The following NRBP2 variants were observed in gnomAD, a reference collection of about 807,000 sequenced individuals.
NRBP2 encodes nuclear receptor binding protein 2.
NRBP2 carries 47 observed loss-of-function variants against 74.4 expected under a neutral mutation model. That is an observed-to-expected ratio of 0.63 (90% confidence interval 0.50 to 0.81). The LOEUF (loss-of-function observed/expected upper bound fraction) is 0.81. Ranked by LOEUF, NRBP2 falls within the 30% of genes least tolerant of loss-of-function variation. The probability of loss-of-function intolerance (pLI) is 0.00; values close to 1 mark genes in which losing one functional copy is unlikely to be tolerated. For missense variants in NRBP2, 613 were observed against 690.1 expected (o/e 0.89, Z 1.25); for synonymous variants, 312 against 273.8 (o/e 1.14, Z -1.38).
rs558059469 is a variant in NRBP2, at chr8:143,838,708, C to T, written c.812G>A (p.Arg271Lys). The T allele has an allele frequency of 4.3e-6, 7 of 1,612,300 alleles. No individual in the cohort carries two copies. In the Admixed American group the frequency reaches 5.0e-5, roughly 12 times the overall value. ...CATGTTGGGGTCACTCAGCGAGTGC[C>T]TGGCGCGAGCAATGGCCTCCTCTGT... is the stretch of plus-strand genomic sequence containing the variant. ...RVTEEAIARA[R>K]HSLSDPNMRE... is the part of the protein sequence containing the mutation. The change falls in exon 10 of 18, where the codon AGG becomes AAG. Residue 271 changes from arginine to lysine, a missense_variant. Around this residue, in one of 2 missense-constraint regions of NRBP2, gnomAD observed 332 missense variants for 429.2 expected, o/e 0.77. Coordinates refer to ENST00000442628, the MANE Select transcript of NRBP2 (RefSeq NM_178564.4).
Position 143,835,397 on chromosome 8 carries a change from A to G in NRBP2, c.*265T>C, listed in dbSNP as rs1818314525. The G allele has an allele frequency of 1.0e-5, 6 of 578,428 alleles. No homozygotes were observed. The highest frequency in any genetic ancestry group is 6.1e-6 in the Non-Finnish European group (2 of 327,376). 35.8% of individuals were successfully genotyped at this position (578,428 alleles called of 1,614,324 possible). A position where few individuals can be genotyped will look rare whatever the true frequency, so the allele number is the denominator to read the frequency against. ...GCCTGGGTAGGAACTCAGGGCGGAG[A>G]ATGGAGGATATGGGAAGGGGTTCTG... is the stretch of plus-strand genomic sequence containing the variant. On this transcript the variant is annotated 3_prime_UTR_variant, in exon 18 of 18. Coordinates refer to ENST00000442628, the MANE Select transcript of NRBP2 (RefSeq NM_178564.4). This position sits in a 1 kb window ranked among gnomAD's most constrained non-coding sequence, Gnocchi z 4.9.
Position 143,839,425 on chromosome 8 carries a change from G to A in NRBP2, c.486-17C>T, listed in dbSNP as rs1554652976. 1.3e-6 allele frequency: 2 copies of A among 1,549,554 alleles called. No individual in the cohort carries two copies. Among genetic ancestry groups the A allele is most frequent in the African/African-American group, 1.4e-5 (1 of 73,498 alleles). On this transcript the variant is annotated splice_polypyrimidine_tract_variant and intron_variant, in intron 5 of 17. Transcript: ENST00000442628. This position sits in a 1 kb window ranked among gnomAD's most constrained non-coding sequence, Gnocchi z 5.1. ...TGCAGGAAGCTGCAGACGTTGGGGA[G>A]GGGAGAGTAGGAGGAGCCGGTCAGG...
chr8:143,832,096 G>A (rs187735760), downstream of NRBP2, among the ~76,000 whole-genome samples: 224 of 152,346 alleles, frequency 1.5e-3, 1 homozygote, highest in African/African-American at 5.2e-3. Flanking sequence ...TCTGCCTTGA[G>A]ACTCTGTTAA....
rs574721728 is a variant in NRBP2 at position 143,837,550 on chromosome 8, G to A, written c.974-41C>T. On this transcript the variant is annotated intron_variant, in intron 11 of 17. Coordinates refer to ENST00000442628, the MANE Select transcript of NRBP2 (RefSeq NM_178564.4). The surrounding 1 kb of genome is among the most constrained non-coding windows in gnomAD (Gnocchi z 4.3). ...CATCAAGGCGGTGTGCTCAGGCCGTGGGTCCTGCAGGGCCCCTTCCACGTC... is the reference window on the plus strand; with the variant it reads ...CATCAAGGCGGTGTGCTCAGGCCGTAGGTCCTGCAGGGCCCCTTCCACGTC... The A allele has an allele frequency of 2.5e-6, 4 of 1,595,226 alleles. No individual in the cohort carries two copies. Among genetic ancestry groups the A allele is most frequent in the South Asian group, 2.3e-5 (2 of 88,220 alleles).
downstream of NRBP2, among the ~76,000 whole-genome samples, chr8:143,831,171 A>G (rs1554650187): frequency 6.6e-6 from 1 of 152,234 alleles, no homozygotes; most frequent in Non-Finnish European, 1.5e-5. Context: ...GTTCTTACAC[A>G]CATTCATTCA....
rs1818605352 is a variant in NRBP2 at position 143,839,636 on chromosome 8, C to A, written c.445-87G>T. 2 of 1,511,144 alleles carry A rather than the reference C, an allele frequency of 1.3e-6. No homozygotes were observed. The highest frequency in any genetic ancestry group is 2.0e-5 in the Admixed American group (1 of 49,176). 93.6% of individuals were successfully genotyped at this position (1,511,144 alleles called of 1,614,324 possible). ...GAGCCCGCCCCGCATCCTCGCCCAG[C>A]CCCTGTCCGAGGCCGCCGGGCACCC... On this transcript the variant is annotated intron_variant, in intron 4 of 17. Transcript: ENST00000442628. The surrounding 1 kb of genome is among the most constrained non-coding windows in gnomAD (Gnocchi z 5.1).
intron 10 of NRBP2, among the ~76,000 whole-genome samples, chr8:143,838,226 C>G (rs1474124696): frequency 6.6e-6 from 1 of 152,210 alleles, no homozygotes; most frequent in Non-Finnish European, 1.5e-5. Flanking sequence ...GCTGTGGATG[C>G]AGCTTCCATC....
In NRBP2 at chr8:143,837,340, C is replaced by T. The variant is rs782554345; in HGVS notation, c.1077-41G>A. On this transcript the variant is annotated intron_variant, in intron 12 of 17. Coordinates refer to ENST00000442628, the MANE Select transcript of NRBP2 (RefSeq NM_178564.4). The surrounding 1 kb of genome is among the most constrained non-coding windows in gnomAD (Gnocchi z 4.3). ...GAGGCACATGAGGGGCTGGCCGGGG[C>T]GAGGGGAGGGGAGGTGCGGGGAGGG... 35 of 674,646 alleles carry T rather than the reference C, an allele frequency of 5.2e-5. No homozygotes were observed. The highest frequency in any genetic ancestry group is 5.1e-4 in the African/African-American group (13 of 25,474). The allele number at this position is 674,646 out of a possible 1,614,324, so 41.8% of individuals were successfully genotyped here. A position where few individuals can be genotyped will look rare whatever the true frequency, so the allele number is the denominator to read the frequency against.
chr8:143,839,597 C>T lies in NRBP2; in HGVS notation c.445-48G>A, dbSNP rs1348713221. 6.6e-7 allele frequency: 1 copy of T among 1,513,794 alleles called. No homozygotes were observed. The highest frequency in any genetic ancestry group is 1.2e-5 in the South Asian group (1 of 81,226). 93.8% of individuals were successfully genotyped at this position (1,513,794 alleles called of 1,614,324 possible). A position where few individuals can be genotyped will look rare whatever the true frequency, so the allele number is the denominator to read the frequency against. ...GTCGGTCGGGTGGGCGCAGGAGAGG[C>T]GGCTGGGCCTGCGGAGCCCGCCCCG... On this transcript the variant is annotated intron_variant, in intron 4 of 17. Coordinates refer to ENST00000442628, the MANE Select transcript of NRBP2 (RefSeq NM_178564.4). This position sits in a 1 kb window ranked among gnomAD's most constrained non-coding sequence, Gnocchi z 5.1.
intron 10 of NRBP2, chr8:143,838,034 G>A (rs1818507303): frequency 3.0e-6 from 2 of 673,036 alleles, no homozygotes; most frequent in Non-Finnish European, 5.4e-6. Context: ...AGTCACACCT[G>A]CAAGCCTCCT....
Position 143,840,784 on chromosome 8 carries a change from C to T in NRBP2, c.51G>A (p.Glu17=). 2 of 1,506,068 alleles carry T rather than the reference C, an allele frequency of 1.3e-6. No individual in the cohort carries two copies. Among genetic ancestry groups the T allele is most frequent in the South Asian group, 1.2e-5 (1 of 80,910 alleles). The allele number at this position is 1,506,068 out of a possible 1,614,324, so 93.3% of individuals were successfully genotyped here. A position where few individuals can be genotyped will look rare whatever the true frequency, so the allele number is the denominator to read the frequency against. The change falls in exon 1 of 18, where the codon GAG becomes GAA. Residue 17 remains glutamate, a synonymous_variant. Coordinates refer to ENST00000442628, the MANE Select transcript of NRBP2 (RefSeq NM_178564.4). This position sits in a 1 kb window ranked among gnomAD's most constrained non-coding sequence, Gnocchi z 5.7. ...APRRARERER[E]REDESEDESD... is the part of the protein sequence containing the mutation. ...TCTCGTCCTCGCTCTCGTCCTCCCGCTCCCGCTCCCGTTCCCGGGCCCGCC... is the reference window on the plus strand; with the variant it reads ...TCTCGTCCTCGCTCTCGTCCTCCCGTTCCCGCTCCCGTTCCCGGGCCCGCC...
rs781857294 is a variant in NRBP2 at position 143,837,134 on chromosome 8, G to A, written c.1168C>T (p.Pro390Ser). Residue 390 changes from proline (P) to serine (S), a missense_variant, in exon 14 of 18, where the codon CCC becomes TCC. This residue lies in a region of NRBP2 where 281 missense variants were observed against 260.9 expected (regional missense o/e 1.08). Coordinates refer to ENST00000442628, the MANE Select transcript of NRBP2 (RefSeq NM_178564.4). This position sits in a 1 kb window ranked among gnomAD's most constrained non-coding sequence, Gnocchi z 4.3. ...GCCAGCACACGGGGCAGCCCCAGGG[G>A]TCGAGTGGCTGCAAAGTTCATCAGT... ...YPLMNFAATR[P>S]LGLPRVLAPP... 7 of 1,612,324 alleles carry A rather than the reference G, an allele frequency of 4.3e-6. No homozygotes were observed. Among genetic ancestry groups the A allele is most frequent in the African/African-American group, 1.3e-5 (1 of 74,866 alleles).
Position 143,835,546 on chromosome 8 carries a change from G to C in NRBP2, c.*116C>G. 2 of 843,128 alleles carry C rather than the reference G, an allele frequency of 2.4e-6. No homozygotes were observed. Among genetic ancestry groups the C allele is most frequent in the Non-Finnish European group, 1.8e-6 (1 of 546,842 alleles). The allele number at this position is 843,128 out of a possible 1,614,324, so 52.2% of individuals were successfully genotyped here. Reference sequence around the variant, plus strand: ...GGAGACGGGGGGTTCCTTCACTACCGGGGCCTTTGTGCTCCCAGGCGCATG... The same window carrying C: ...GGAGACGGGGGGTTCCTTCACTACCCGGGCCTTTGTGCTCCCAGGCGCATG... On this transcript the variant is annotated 3_prime_UTR_variant, in exon 18 of 18. Coordinates refer to ENST00000442628, the MANE Select transcript of NRBP2 (RefSeq NM_178564.4). The surrounding 1 kb of genome is among the most constrained non-coding windows in gnomAD (Gnocchi z 4.9).
rs147343613 is a variant in NRBP2 at position 143,837,802 on chromosome 8, T to C, written c.841-47A>G. 4,269 of 1,550,824 alleles carry C rather than the reference T, an allele frequency of 2.8e-3. 10 individuals are homozygous for C. The highest frequency in any genetic ancestry group is 3.4e-3 in the Non-Finnish European group (3,946 of 1,147,102). On this transcript the variant is annotated intron_variant, in intron 10 of 17. Transcript: ENST00000442628. The surrounding 1 kb of genome is among the most constrained non-coding windows in gnomAD (Gnocchi z 4.3). Reference sequence around the variant, plus strand: ...CTGGTGGTGTGCAAGGGCTCTCTGCTCTGGCCCCGCAGTTCGAGGAGAGGT... The same window carrying C: ...CTGGTGGTGTGCAAGGGCTCTCTGCCCTGGCCCCGCAGTTCGAGGAGAGGT...
Position 143,840,952 on chromosome 8 carries a change from C to A in NRBP2, c.-118G>T. Reference sequence around the variant, plus strand: ...CTAGAGCCGCCGCGGCAGCCTAGAGCCCCAGCCCCGGCTCTGGGAATTGGG... The same window carrying A: ...CTAGAGCCGCCGCGGCAGCCTAGAGACCCAGCCCCGGCTCTGGGAATTGGG... On this transcript the variant is annotated 5_prime_UTR_variant, in exon 1 of 18. Transcript: ENST00000442628. The surrounding 1 kb of genome is among the most constrained non-coding windows in gnomAD (Gnocchi z 5.7). 8.8e-7 allele frequency: 1 copy of A among 1,140,162 alleles called. No individual in the cohort carries two copies. Among genetic ancestry groups the A allele is most frequent in the Non-Finnish European group, 1.1e-6 (1 of 929,870 alleles). The allele number at this position is 1,140,162 out of a possible 1,614,324, so 70.6% of individuals were successfully genotyped here. A position where few individuals can be genotyped will look rare whatever the true frequency, so the allele number is the denominator to read the frequency against.
In NRBP2 at chr8:143,835,443, G is replaced by A. The variant is rs894027919; in HGVS notation, c.*219C>T. On this transcript the variant is annotated 3_prime_UTR_variant, in exon 18 of 18. Coordinates refer to ENST00000442628, the MANE Select transcript of NRBP2 (RefSeq NM_178564.4). This position sits in a 1 kb window ranked among gnomAD's most constrained non-coding sequence, Gnocchi z 4.9. Reference sequence around the variant, plus strand: ...TTCTGGGGGCAACCCTGATCCTAAGGACCTGGGAGGCCTAACGGCTCCCCC... The same window carrying A: ...TTCTGGGGGCAACCCTGATCCTAAGAACCTGGGAGGCCTAACGGCTCCCCC... The A allele has an allele frequency of 2.8e-5, 18 of 645,224 alleles. No homozygotes were observed. The highest frequency in any genetic ancestry group is 1.3e-4 in the African/African-American group (7 of 53,628). The allele number at this position is 645,224 out of a possible 1,614,324, so 40.0% of individuals were successfully genotyped here. A position where few individuals can be genotyped will look rare whatever the true frequency, so the allele number is the denominator to read the frequency against.
At position 143,836,003 on chromosome 8, in the gene NRBP2, G is replaced by C; in HGVS notation, c.1345C>G (p.Arg449Gly). 1.9e-6 allele frequency: 3 copies of C among 1,577,296 alleles called. No homozygotes were observed. Among genetic ancestry groups the C allele is most frequent in the Non-Finnish European group, 2.6e-6 (3 of 1,161,638 alleles). ...HLTLLLVLED[R>G]LHRQLTYDLL... Reference sequence around the variant, plus strand: ...TCGTAGGTCAGCTGCCGGTGCAGCCGGTCTTCCAGCACCAGAAGCAGAGTG... The same window carrying C: ...TCGTAGGTCAGCTGCCGGTGCAGCCCGTCTTCCAGCACCAGAAGCAGAGTG... The change falls in exon 16 of 18, where the codon CGG becomes GGG. Residue 449 changes from arginine (R) to glycine (G), a missense_variant. This residue lies in a region of NRBP2 where 281 missense variants were observed against 260.9 expected (regional missense o/e 1.08). Transcript: ENST00000442628.
intron 14 of NRBP2, 86 bp downstream of exon 14, chr8:143,836,953 C>T: frequency 1.4e-6 from 2 of 1,454,534 alleles, no homozygotes; most frequent in Non-Finnish European, 9.4e-7. Flanking sequence ...TGTGGGGATG[C>T]AGGCCCTAAG....
chr8:143,835,592 G>T lies in NRBP2; in HGVS notation c.*70C>A. The T allele has an allele frequency of 7.6e-7, 1 of 1,319,076 alleles. No homozygotes were observed. The highest frequency in any genetic ancestry group is 1.0e-6 in the Non-Finnish European group (1 of 959,156). The allele number at this position is 1,319,076 out of a possible 1,614,324, so 81.7% of individuals were successfully genotyped here. Reference sequence around the variant, plus strand: ...GCATGGAGGAGGGCAGCCCCACGGTGCTGGAGTCTCCCCAACATGGCCTGC... The same window carrying T: ...GCATGGAGGAGGGCAGCCCCACGGTTCTGGAGTCTCCCCAACATGGCCTGC... On this transcript the variant is annotated 3_prime_UTR_variant, in exon 18 of 18. Coordinates refer to ENST00000442628, the MANE Select transcript of NRBP2 (RefSeq NM_178564.4). This position sits in a 1 kb window ranked among gnomAD's most constrained non-coding sequence, Gnocchi z 4.9.
Sources: gnomAD v4.1 joint callset for allele counts (sites outside exome capture counted in the v4.1 genomes callset) on GRCh38, gnomAD v4.1.1 for gene constraint, gnomAD v4.1.1 regional missense constraint, Gnocchi (gnomAD v3.1) non-coding constraint, MANE v1.5 for transcripts, NCBI Gene and HGNC (gene_info 2026-07-23, HGNC 2026-07-21) for gene names.